The following MAML1 variants were observed in gnomAD, a reference collection of about 807,000 sequenced individuals.
MAML1 encodes mastermind-like protein 1.
A neutral mutation model predicts 77.1 loss-of-function variants in MAML1; 14 were observed. That is an observed-to-expected ratio of 0.18 (90% CI 0.12 to 0.28). The LOEUF (loss-of-function observed/expected upper bound fraction) is 0.28. Ranked by LOEUF, MAML1 falls within the 10% of genes least tolerant of loss-of-function variation. The probability of loss-of-function intolerance (pLI) is 1.00; values close to 1 mark genes in which losing one functional copy is unlikely to be tolerated. For synonymous variants in MAML1, 516 were observed against 551.9 expected (o/e 0.93, Z 0.91); for missense variants, 1,217 against 1,327.8 (o/e 0.92, Z 1.30).
intron 1 of MAML1, among the ~76,000 whole-genome samples, chr5:179,753,659 T>TTTA (rs1779553066): frequency 7.8e-6 from 1 of 128,020 alleles, no homozygotes; most frequent in South Asian, 2.6e-4. Flanking sequence ...TTATTATTTT[T>TTTA]TTTTTTTTTT....
At chr5:179,770,364 C>T (rs917917179) in intron 3 of MAML1, among the ~76,000 whole-genome samples, 3 of 152,090 alleles carry the variant, frequency 2.0e-5, no homozygotes, top group Non-Finnish European at 2.9e-5. Flanking sequence ...AGGAGAATGG[C>T]GTGAACCTGG....
At chr5:179,754,253 ACCTG>A (rs756362581) in intron 1 of MAML1, among the ~76,000 whole-genome samples, 1 of 151,484 alleles carries the variant, frequency 6.6e-6, no homozygotes, top group Non-Finnish European at 1.5e-5. Context: ...CTGCACTCCA[ACCTG>A]GGTAACAGAG....
intron 1 of MAML1, among the ~76,000 whole-genome samples, chr5:179,745,545 G>A (rs186618857): frequency 7.9e-4 from 118 of 150,294 alleles, no homozygotes; most frequent in African/African-American, 2.8e-3. Context: ...GAGAAACCCC[G>A]TCTCTACTAA....
chr5:179,773,807 A>T, intron 4 of MAML1, 88 bp from the exon 5 acceptor site: 1 of 1,523,378 alleles, frequency 6.6e-7, no homozygotes, highest in Non-Finnish European at 8.8e-7. Flanking sequence ...TGTGCCGTGA[A>T]CGTGAGACTT....
chr5:179,746,741 ATTAAC>A (rs1330810180), intron 1 of MAML1, among the ~76,000 whole-genome samples: 1 of 152,248 alleles, frequency 6.6e-6, no homozygotes, highest in African/African-American at 2.4e-5. Context: ...ATAATCAAAA[ATTAAC>A]TTATCAGTTG....
chr5:179,759,920 ACT>A lies in MAML1; in HGVS notation c.316-5403_316-5402del, dbSNP rs565907474. On this transcript the variant is annotated intron_variant, in intron 1 of 4. Transcript: ENST00000292599. ...GGTTCAAGAAATATTAAGGAGGTAGACTCTACAGGACTTGGGTACCAGTTGTA... is the reference window on the plus strand; with the variant it reads ...GGTTCAAGAAATATTAAGGAGGTAGACTACAGGACTTGGGTACCAGTTGTA... Among the ~76,000 whole-genome samples the A allele has an allele frequency of 2.2e-4, 34 of 152,120 alleles. No individual in the cohort carries two copies. In the East Asian group the frequency reaches 6.2e-3, roughly 28 times the overall value.
chr5:179,755,240 A>G (rs1779587502), intron 1 of MAML1, among the ~76,000 whole-genome samples: 1 of 152,194 alleles, frequency 6.6e-6, no homozygotes, highest in Non-Finnish European at 1.5e-5. Flanking sequence ...ATGAGCTAGT[A>G]CTGCTTCCTG....
In MAML1 at chr5:179,771,200, C is replaced by T. The variant is rs1430800087; in HGVS notation, c.2025C>T (p.Asp675=). ...HLTRPPPQYQ[D]PTQGSFPQQV... ...CCCGCCCACCACCCCAGTACCAAGA[C>T]CCGACACAAGGCAGCTTCCCACAGC... The change falls in exon 4 of 5, where the codon GAC becomes GAT. Residue 675 remains aspartate, a synonymous_variant. Transcript: ENST00000292599. The surrounding 1 kb of genome is among the most constrained non-coding windows in gnomAD (Gnocchi z 4.7). 2 of 1,614,152 alleles carry T rather than the reference C, an allele frequency of 1.2e-6. No individual in the cohort carries two copies. The highest frequency in any genetic ancestry group is 1.7e-5 in the Admixed American group (1 of 60,004).
At position 179,766,076 on chromosome 5, in the gene MAML1, G is replaced by A. The variant is rs369643072; in HGVS notation, c.1066G>A (p.Ala356Thr). The change falls in exon 2 of 5, where the codon GCG becomes ACG. Residue 356 changes from alanine to threonine, a missense_variant. Coordinates refer to ENST00000292599, the MANE Select transcript of MAML1 (RefSeq NM_014757.5). This position sits in a 1 kb window ranked among gnomAD's most constrained non-coding sequence, Gnocchi z 4.0. The part of the protein sequence containing the change: ...TLFHTSGQPR[A>T]DNPSPNLMPA... ...ATTCCACACCTCTGGTCAGCCCCGG[G>A]CGGACAATCCCAGTCCAAACCTGAT... 13 of 1,587,112 alleles carry A rather than the reference G, an allele frequency of 8.2e-6. No individual in the cohort carries two copies. The East Asian group carries it at 1.8e-4, about 22-fold the overall frequency.
At chr5:179,763,470 C>A (rs1224922951) in intron 1 of MAML1, among the ~76,000 whole-genome samples, 1 of 143,462 alleles carries the variant, frequency 7.0e-6, no homozygotes, top group African/African-American at 2.6e-5. Flanking sequence ...TTTTTTTTTT[C>A]AGACCGACTT....
chr5:179,753,248 T>TA (rs1779540205), intron 1 of MAML1, among the ~76,000 whole-genome samples: 1 of 150,994 alleles, frequency 6.6e-6, no homozygotes, highest in African/African-American at 2.4e-5. Context: ...CGTGCTGGGG[T>TA]GAAGGAGTCC....
chr5:179,752,072 A>G (rs1448274615), intron 1 of MAML1, among the ~76,000 whole-genome samples: 12 of 152,084 alleles, frequency 7.9e-5, no homozygotes, highest in Admixed American at 7.2e-4. Context: ...TCACACCTGT[A>G]ATCCCAGCAC....
chr5:179,733,952 A>T (rs1360123418), intron 1 of MAML1, among the ~76,000 whole-genome samples: 1 of 152,216 alleles, frequency 6.6e-6, no homozygotes, highest in Non-Finnish European at 1.5e-5. Flanking sequence ...ACTTAGTAAA[A>T]TGTTCAATGA....
At position 179,733,099 on chromosome 5, in the gene MAML1, G is replaced by A. The variant is rs754163501; in HGVS notation, c.-14G>A. 25 of 1,364,372 alleles carry A rather than the reference G, an allele frequency of 1.8e-5. No homozygotes were observed. The South Asian group carries it at 2.2e-4, about 12-fold the overall frequency. The allele number at this position is 1,364,372 out of a possible 1,614,324, so 84.5% of individuals were successfully genotyped here. A position where few individuals can be genotyped will look rare whatever the true frequency, so the allele number is the denominator to read the frequency against. On this transcript the variant is annotated 5_prime_UTR_variant, in exon 1 of 5. Coordinates refer to ENST00000292599, the MANE Select transcript of MAML1 (RefSeq NM_014757.5). ...AGGCCCGGCCCCGGGCCCGGCCCGTGCAGCCCGCGGCCCATGGTGCTGCCC... is the reference window on the plus strand; with the variant it reads ...AGGCCCGGCCCCGGGCCCGGCCCGTACAGCCCGCGGCCCATGGTGCTGCCC...
rs118007619 is a variant in MAML1 at position 179,771,552 on chromosome 5, G to A, written c.2068+309G>A. Among the ~76,000 whole-genome samples, 130 of 152,342 alleles carry A rather than the reference G, an allele frequency of 8.5e-4. 1 individual carries two copies. The East Asian group carries it at 0.023, about 27-fold the overall frequency. On this transcript the variant is annotated intron_variant, in intron 4 of 4. Coordinates refer to ENST00000292599, the MANE Select transcript of MAML1 (RefSeq NM_014757.5). This position sits in a 1 kb window ranked among gnomAD's most constrained non-coding sequence, Gnocchi z 4.7. ...AATAGCTTCTGTAATTCTCAAGAAA[G>A]TTCTTTGCTTCTGCTTTTATGTGTC... is the stretch of plus-strand genomic sequence containing the variant.
At chr5:179,752,129 C>T (rs1034926566) in intron 1 of MAML1, among the ~76,000 whole-genome samples, 2 of 151,676 alleles carry the variant, frequency 1.3e-5, no homozygotes, top group Non-Finnish European at 2.9e-5. Context: ...AGATCAAGAC[C>T]ATCCTGGCCA....
At chr5:179,756,161 C>T (rs866295093) in intron 1 of MAML1, among the ~76,000 whole-genome samples, 5 of 151,666 alleles carry the variant, frequency 3.3e-5, no homozygotes, top group African/African-American at 1.2e-4. Flanking sequence ...CGCGGTGGCT[C>T]ATGCCTGTAA....
chr5:179,772,568 A>G (rs1289974386), intron 4 of MAML1, among the ~76,000 whole-genome samples: 1 of 152,208 alleles, frequency 6.6e-6, no homozygotes, highest in Non-Finnish European at 1.5e-5. Context: ...AGGCCTAGAC[A>G]GCAGTTCCCT....
In MAML1 at chr5:179,774,612, C is replaced by A. The variant is rs1756091868; in HGVS notation, c.2786C>A (p.Pro929His). The change falls in exon 5 of 5, where the codon CCT becomes CAT. Residue 929 changes from proline (P) to histidine (H), a missense_variant. Pro to His is a moderately conservative substitution (Grantham distance 77, BLOSUM62 -2). Transcript: ENST00000292599. ...PPPTAPQQGLPGLSPAGPELG... is the reference protein window; with the variant it reads ...PPPTAPQQGLHGLSPAGPELG... Reference sequence around the variant, plus strand: ...CCAACAGCCCCTCAGCAGGGCTTGCCTGGCCTGAGCCCAGCAGGGCCTGAG... The same window carrying A: ...CCAACAGCCCCTCAGCAGGGCTTGCATGGCCTGAGCCCAGCAGGGCCTGAG... 2.5e-6 allele frequency: 4 copies of A among 1,612,116 alleles called. No homozygotes were observed. The highest frequency in any genetic ancestry group is 3.4e-6 in the Non-Finnish European group (4 of 1,179,656).
Sources: allele counts gnomAD v4.1 joint callset (sites outside exome capture counted in the v4.1 genomes callset), GRCh38; gene constraint gnomAD v4.1.1; non-coding constraint Gnocchi (gnomAD v3.1); transcripts MANE v1.5; gene names NCBI Gene and HGNC (gene_info 2026-07-23, HGNC 2026-07-21).